The following CTNNA3 variants were observed in gnomAD, a reference collection of about 807,000 sequenced individuals.
CTNNA3 encodes the protein catenin alpha-3.
In CTNNA3, 76 loss-of-function variants were observed where a neutral mutation model predicts 95.7. The ratio of observed to expected loss-of-function variants is 0.79; its 90% CI spans 0.66 to 0.96. The LOEUF (loss-of-function observed/expected upper bound fraction) is 0.96. Ranked by LOEUF, CTNNA3 falls within the 40% of genes least tolerant of loss-of-function variation. CTNNA3 has a pLI of 0.00. For missense variants in CTNNA3, 1,191 were observed against 1,089.8 expected, an observed-to-expected ratio of 1.09 and a Z score of -1.31; for synonymous variants, 431 against 374.4, an observed-to-expected ratio of 1.15 and a Z score of -1.74.
intron 15 of CTNNA3, among the ~76,000 whole-genome samples, chr10:66,033,555 T>C (rs2079494298): frequency 6.6e-6 from 1 of 152,142 alleles, no homozygotes; most frequent in Non-Finnish European, 1.5e-5. Flanking sequence ...TGTGTGTGTG[T>C]ATACAATAGC....
intron 10 of CTNNA3, among the ~76,000 whole-genome samples, chr10:66,601,258 C>T (rs1378308181): frequency 4.0e-5 from 6 of 151,512 alleles, no homozygotes; most frequent in East Asian, 3.9e-4. Flanking sequence ...TAGCATTCAA[C>T]GAGCAGAAAT....
At chr10:65,996,847 C>A (rs910040364) in intron 15 of CTNNA3, among the ~76,000 whole-genome samples, 3 of 152,194 alleles carry the variant, frequency 2.0e-5, no homozygotes, top group Admixed American at 6.5e-5. Flanking sequence ...TGACACTCCT[C>A]TGTTGAATTC....
At chr10:65,988,283 A>C (rs1371038929) in intron 16 of CTNNA3, among the ~76,000 whole-genome samples, 1 of 152,166 alleles carries the variant, frequency 6.6e-6, no homozygotes, top group Non-Finnish European at 1.5e-5. Context: ...AAATATATGT[A>C]CTCTACAAAG....
chr10:66,893,644 T>G (rs1210030006), intron 7 of CTNNA3, among the ~76,000 whole-genome samples: 1 of 152,034 alleles, frequency 6.6e-6, no homozygotes, highest in Non-Finnish European at 1.5e-5. Context: ...AAGATAAGAT[T>G]AGAGAATTGT....
chr10:66,371,752 T>C (rs900353052), intron 12 of CTNNA3, among the ~76,000 whole-genome samples: 3 of 152,070 alleles, frequency 2.0e-5, no homozygotes, highest in Non-Finnish European at 4.4e-5. Context: ...AGAGTCTTAG[T>C]GTGAGGCAGA....
intron 9 of CTNNA3, among the ~76,000 whole-genome samples, chr10:66,661,296 C>CA (rs1846255830): frequency 6.6e-6 from 1 of 152,008 alleles, no homozygotes; most frequent in South Asian, 2.1e-4. Context: ...TGGCGGGAGG[C>CA]AAAAGGCACT....
intron 6 of CTNNA3, among the ~76,000 whole-genome samples, chr10:67,216,934 C>A (rs542040943): frequency 2.4e-4 from 37 of 152,282 alleles, no homozygotes; most frequent in African/African-American, 8.2e-4. Context: ...AAGAAAACCC[C>A]TATAATTCAC....
At chr10:67,702,321 A>C (rs1277294873) in intron 1 of CTNNA3, among the ~76,000 whole-genome samples, 1 of 152,200 alleles carries the variant, frequency 6.6e-6, no homozygotes, top group East Asian at 1.9e-4. Flanking sequence ...AACAGAATAT[A>C]CATTTTTTTC....
chr10:67,555,492 A>C (rs1841207611), intron 3 of CTNNA3, among the ~76,000 whole-genome samples: 1 of 152,138 alleles, frequency 6.6e-6, no homozygotes, highest in South Asian at 2.1e-4. Flanking sequence ...TTGGATTCCT[A>C]GGTATTTTAT....
chr10:66,896,900 C>G (rs1845516788), intron 7 of CTNNA3, among the ~76,000 whole-genome samples: 1 of 152,186 alleles, frequency 6.6e-6, no homozygotes, highest in Admixed American at 6.5e-5. Flanking sequence ...CCTGCAGTAG[C>G]ACCCCATGCT....
At chr10:66,033,134 T>C (rs2079482646) in intron 15 of CTNNA3, among the ~76,000 whole-genome samples, 1 of 74,896 alleles carries the variant, frequency 1.3e-5, no homozygotes, top group African/African-American at 4.2e-5. Context: ...TTTCTTTTTT[T>C]CTTTTTTTTT....
At chr10:65,958,526 A>G (rs1462549097) in intron 17 of CTNNA3, among the ~76,000 whole-genome samples, 1 of 152,088 alleles carries the variant, frequency 6.6e-6, no homozygotes. Context: ...TTGTGGTTTT[A>G]TCTACCTTTG....
chr10:66,268,769 G>A lies in CTNNA3; in HGVS notation c.1884+11701C>T, dbSNP rs535039420. The stretch of plus-strand genomic sequence containing the variant: ...TTTGATGGATTTTGTCCAATGAGAT[G>A]TAGAGGAAAGTACATTGCATTGAGG... On this transcript the variant is annotated intron_variant, in intron 13 of 17. Transcript: ENST00000433211. Among the ~76,000 whole-genome samples, 7 of 152,260 alleles carry A rather than the reference G, an allele frequency of 4.6e-5. No individual in the cohort carries two copies. The South Asian group carries it at 1.2e-3, about 27-fold the overall frequency.
chr10:67,190,849 G>A (rs1309760712), intron 6 of CTNNA3, among the ~76,000 whole-genome samples: 5 of 151,948 alleles, frequency 3.3e-5, no homozygotes, highest in Admixed American at 1.3e-4. Context: ...AGGCATATCC[G>A]ATAAACGATA....
At chr10:67,471,225 T>C (rs1198269302) in intron 5 of CTNNA3, among the ~76,000 whole-genome samples, 4 of 152,214 alleles carry the variant, frequency 2.6e-5, no homozygotes, top group Admixed American at 6.5e-5. Flanking sequence ...TAGATACCAA[T>C]AGCACTCACT....
At chr10:66,916,539 C>T (rs1846503754) in intron 7 of CTNNA3, among the ~76,000 whole-genome samples, 1 of 152,128 alleles carries the variant, frequency 6.6e-6, no homozygotes, top group Non-Finnish European at 1.5e-5. Context: ...CTCTGTGCTT[C>T]CTTAATACTT....
chr10:66,581,523 A>T (rs1379776493), intron 10 of CTNNA3, among the ~76,000 whole-genome samples: 4 of 151,388 alleles, frequency 2.6e-5, no homozygotes, highest in Admixed American at 6.6e-5. Context: ...GCATTTATTC[A>T]TATGTTTTTG....
Position 66,354,431 on chromosome 10 carries a change from T to C in CTNNA3, c.1732+24721A>G, listed in dbSNP as rs1020949658. Among the ~76,000 whole-genome samples, 7 of 152,082 alleles carry C rather than the reference T, an allele frequency of 4.6e-5. No homozygotes were observed. In the East Asian group the frequency reaches 1.3e-3, roughly 29 times the overall value. On this transcript the variant is annotated intron_variant, in intron 12 of 17. Transcript: ENST00000433211. ...TCCTTCTGTCTCATAAAGCACATTG[T>C]TCTGAACTACCTTGAGATATCAAAA...
chr10:66,087,247 A>G (rs866080240), intron 14 of CTNNA3, among the ~76,000 whole-genome samples: 1 of 152,228 alleles, frequency 6.6e-6, no homozygotes, highest in South Asian at 2.1e-4. Context: ...CCCCAAACCC[A>G]GAAACATACT....
Sources: allele counts gnomAD v4.1 joint callset (sites outside exome capture counted in the v4.1 genomes callset), GRCh38; gene constraint gnomAD v4.1.1; transcripts MANE v1.5; gene names NCBI Gene and HGNC (gene_info 2026-07-23, HGNC 2026-07-21).